The following WWOX variants were observed in gnomAD, a reference collection of about 807,000 sequenced individuals.
WWOX encodes WW domain-containing oxidoreductase.
Under a neutral mutation model 46.2 loss-of-function variants are expected in WWOX, and 69 were observed. The ratio of observed to expected loss-of-function variants is 1.49; its 90% CI spans 1.23 to 1.82. The LOEUF (loss-of-function observed/expected upper bound fraction) is 1.82, where lower values mean the gene tolerates loss of function less well. Ranked by LOEUF, WWOX falls within the 40% of genes most tolerant of loss-of-function variation. WWOX has a pLI of 0.00. For missense variants in WWOX, 919 were observed against 542.6 expected, an observed-to-expected ratio of 1.69 and a Z score of -6.89; for synonymous variants, 359 against 202.6, an observed-to-expected ratio of 1.77 and a Z score of -6.56.
At chr16:78,816,127 G>A (rs2051323856) in intron 8 of WWOX, among the ~76,000 whole-genome samples, 1 of 152,074 alleles carries the variant, frequency 6.6e-6, no homozygotes, top group Non-Finnish European at 1.5e-5. Flanking sequence ...CCAAAATGAA[G>A]GCAGAATCCA....
At chr16:79,033,822 G>T (rs1235623873) in intron 8 of WWOX, among the ~76,000 whole-genome samples, 1 of 152,250 alleles carries the variant, frequency 6.6e-6, no homozygotes, top group East Asian at 1.9e-4. Context: ...AGTGTGTGAT[G>T]TGTTCTTTTG....
chr16:78,635,009 C>T lies in WWOX; in HGVS notation c.1056+202257C>T, dbSNP rs189349425. Among the ~76,000 whole-genome samples, 105 of 152,218 alleles carry T rather than the reference C, an allele frequency of 6.9e-4. 1 individual carries two copies. Among genetic ancestry groups the T allele is most frequent in the Middle Eastern group, 3.4e-3 (1 of 294 alleles). On this transcript the variant is annotated intron_variant, in intron 8 of 8. Coordinates refer to ENST00000566780, the MANE Select transcript of WWOX (RefSeq NM_016373.4). ...CATACCAGCTTCAGCCCCATGCTTT[C>T]GTTTGGGATTCCTCATCCAACCCTG...
At chr16:78,330,847 A>G (rs2080739569) in intron 5 of WWOX, among the ~76,000 whole-genome samples, 1 of 152,254 alleles carries the variant, frequency 6.6e-6, no homozygotes, top group Non-Finnish European at 1.5e-5. Flanking sequence ...TGGAAACAGA[A>G]GAAAATAAAA....
At chr16:79,098,700 C>G (rs1310540126) in intron 8 of WWOX, among the ~76,000 whole-genome samples, 1 of 152,208 alleles carries the variant, frequency 6.6e-6, no homozygotes, top group African/African-American at 2.4e-5. Flanking sequence ...TACATGTCTA[C>G]TAGGCAGGTC....
At chr16:78,872,712 T>C (rs1013588426) in intron 8 of WWOX, 5 of 152,220 alleles carry the variant, frequency 3.3e-5, no homozygotes, top group African/African-American at 1.2e-4. Context: ...TCCCTGCGTT[T>C]CTCTTTCTTT....
chr16:78,192,491 C>CAAAAA (rs56109773), intron 5 of WWOX, among the ~76,000 whole-genome samples: 19 of 86,804 alleles, frequency 2.2e-4, no homozygotes, highest in African/African-American at 4.6e-4. Flanking sequence ...GACTCCGTCT[C>CAAAAA]AAAAAAAAAA....
At chr16:78,822,980 G>T (rs1358268434) in intron 8 of WWOX, among the ~76,000 whole-genome samples, 2 of 152,090 alleles carry the variant, frequency 1.3e-5, no homozygotes, top group African/African-American at 2.4e-5. Context: ...CGTGTTGTTT[G>T]TAAATTTGTG....
chr16:78,747,822 T>C (rs1192990781), intron 8 of WWOX, among the ~76,000 whole-genome samples: 2 of 152,180 alleles, frequency 1.3e-5, no homozygotes, highest in Non-Finnish European at 2.9e-5. Context: ...CCTACCTCTG[T>C]CTCCAAGCTG....
At chr16:79,057,264 T>A (rs941688376) in intron 8 of WWOX, among the ~76,000 whole-genome samples, 1 of 152,196 alleles carries the variant, frequency 6.6e-6, no homozygotes, top group Non-Finnish European at 1.5e-5. Context: ...GGCAAACTTA[T>A]GTTTATTCCA....
chr16:79,161,633 C>G (rs374500238), intron 8 of WWOX, among the ~76,000 whole-genome samples: 19 of 152,148 alleles, frequency 1.2e-4, no homozygotes, highest in Non-Finnish European at 1.9e-4. Context: ...AGCGATTCCC[C>G]TGCCTCAGCT....
chr16:78,374,901 G>A (rs1415372387), intron 5 of WWOX, among the ~76,000 whole-genome samples: 1 of 151,918 alleles, frequency 6.6e-6, no homozygotes, highest in Non-Finnish European at 1.5e-5. Context: ...GGCCAGCCTG[G>A]TCTCAAACTG....
At chr16:78,575,048 T>TATATAA (rs2044833679) in intron 8 of WWOX, among the ~76,000 whole-genome samples, 1 of 10,954 alleles carries the variant, frequency 9.1e-5, no homozygotes, top group Non-Finnish European at 1.9e-4. Flanking sequence ...TATATATATA[T>TATATAA]ATATATATAT....
intron 5 of WWOX, among the ~76,000 whole-genome samples, chr16:78,385,121 G>A (rs905332134): frequency 1.2e-5 from 1 of 84,300 alleles, no homozygotes; most frequent in South Asian, 3.3e-4. Flanking sequence ...GCGACAGAGT[G>A]AGACTCCATC....
chr16:78,706,534 A>G (rs2048331616), intron 8 of WWOX, among the ~76,000 whole-genome samples: 1 of 152,088 alleles, frequency 6.6e-6, no homozygotes, highest in African/African-American at 2.4e-5. Flanking sequence ...TTCATTCGTC[A>G]ACTACAAAGA....
intron 5 of WWOX, among the ~76,000 whole-genome samples, chr16:78,176,712 G>T (rs1341358798): frequency 6.6e-6 from 1 of 152,180 alleles, no homozygotes; most frequent in Non-Finnish European, 1.5e-5. Flanking sequence ...AGTTATTACT[G>T]AACTTTAATT....
chr16:78,929,625 T>C (rs898781334), intron 8 of WWOX, among the ~76,000 whole-genome samples: 38 of 152,172 alleles, frequency 2.5e-4, no homozygotes, highest in African/African-American at 9.2e-4. Flanking sequence ...TGCCAGGCCC[T>C]GCTTCTATTT....
intron 8 of WWOX, among the ~76,000 whole-genome samples, chr16:78,886,707 A>T (rs1004887330): frequency 2.0e-5 from 3 of 151,250 alleles, no homozygotes; most frequent in African/African-American, 7.3e-5. Context: ...AAAGAAAAAC[A>T]TATAGAGAAA....
At chr16:78,914,239 T>C (rs1272342229) in intron 8 of WWOX, among the ~76,000 whole-genome samples, 1 of 150,144 alleles carries the variant, frequency 6.7e-6, no homozygotes, top group Non-Finnish European at 1.5e-5. Flanking sequence ...CATCCGTCTA[T>C]TCATTCATTC....
chr16:78,431,425 T>C (rs2083214479), intron 7 of WWOX, among the ~76,000 whole-genome samples: 1 of 152,200 alleles, frequency 6.6e-6, no homozygotes, highest in Non-Finnish European at 1.5e-5. Context: ...ATTTCTTGGA[T>C]GCTCAAATGA....
Sources: allele counts gnomAD v4.1 joint callset (sites outside exome capture counted in the v4.1 genomes callset), GRCh38; gene constraint gnomAD v4.1.1; transcripts MANE v1.5; gene names NCBI Gene and HGNC (gene_info 2026-07-23, HGNC 2026-07-21).